GRID1: variants seen among roughly 807,000 people sequenced by gnomAD.
GRID1 encodes the protein glutamate ionotropic receptor delta type subunit 1, also known as glutamate receptor ionotropic, delta-1.
In GRID1, 28 loss-of-function variants were observed where a neutral mutation model predicts 98.0. The observed-to-expected ratio is 0.29, with a 90% CI of 0.21 to 0.39. The LOEUF (loss-of-function observed/expected upper bound fraction) is 0.39, where lower values mean the gene tolerates loss of function less well. Ranked by LOEUF, GRID1 falls within the 10% of genes least tolerant of loss-of-function variation. The pLI is 1.00. For missense variants in GRID1, 1,111 were observed against 1,340.5 expected, an observed-to-expected ratio of 0.83 and a Z score of 2.67; for synonymous variants, 553 against 538.5, an observed-to-expected ratio of 1.03 and a Z score of -0.37.
intron 8 of GRID1, among the ~76,000 whole-genome samples, chr10:85,816,093 A>G (rs1433016851): frequency 6.6e-6 from 1 of 152,152 alleles, no homozygotes. Context: ...AAAATTATAC[A>G]GCCACTTTGA....
chr10:85,744,476 T>C (rs1416433865), intron 8 of GRID1, among the ~76,000 whole-genome samples: 2 of 149,882 alleles, frequency 1.3e-5, no homozygotes, highest in East Asian at 2.0e-4. Context: ...GGGGAAAGGA[T>C]TCCCTATTTA....
At chr10:86,092,601 A>C (rs1282530055) in intron 4 of GRID1, among the ~76,000 whole-genome samples, 1 of 152,234 alleles carries the variant, frequency 6.6e-6, no homozygotes, top group Non-Finnish European at 1.5e-5. Flanking sequence ...TATCAGACAA[A>C]ACAAGCTTTA....
chr10:85,724,711 C>G, intron 10 of GRID1, 35 bp from the exon 11 acceptor site: 1 of 1,548,654 alleles, frequency 6.5e-7, no homozygotes, highest in Non-Finnish European at 8.8e-7. Flanking sequence ...AGACGGCAGT[C>G]CTCAGCTTAC....
rs559097359 is a variant in GRID1 at position 86,066,253 on chromosome 10, C to T, written c.726+72566G>A. 1.6e-4 allele frequency among the ~76,000 whole-genome samples: 24 copies of T among 152,262 alleles called. No homozygotes were observed. In the East Asian group the frequency reaches 2.3e-3, roughly 15 times the overall value. On this transcript the variant is annotated intron_variant, in intron 4 of 15. Transcript: ENST00000327946. ...AGACGAATTCAGGGATGTTGCTCCA[C>T]GGTGGCTCCGACCCAAGGACCTGCC...
At chr10:86,146,713 C>T (rs2131977530) in intron 3 of GRID1, among the ~76,000 whole-genome samples, 1 of 152,316 alleles carries the variant, frequency 6.6e-6, no homozygotes, top group South Asian at 2.1e-4. Context: ...GGTTCCAGAG[C>T]AGCAGAATTT....
chr10:86,069,640 T>G (rs1172373277), intron 4 of GRID1, among the ~76,000 whole-genome samples: 1 of 152,098 alleles, frequency 6.6e-6, no homozygotes, highest in African/African-American at 2.4e-5. Flanking sequence ...AGAGTGAGAC[T>G]CCGTCTCTAA....
intron 5 of GRID1, among the ~76,000 whole-genome samples, chr10:85,888,054 A>T (rs1468863475): frequency 6.6e-6 from 1 of 152,216 alleles, no homozygotes; most frequent in Non-Finnish European, 1.5e-5. Context: ...ACCTCCAGGA[A>T]ATCTTAGGTA....
At chr10:85,673,832 G>C (rs1016312168) in intron 12 of GRID1, among the ~76,000 whole-genome samples, 5 of 151,524 alleles carry the variant, frequency 3.3e-5, no homozygotes, top group Non-Finnish European at 7.4e-5. Context: ...CACTCTTCTC[G>C]ATTAATAGAT....
At chr10:85,611,875 C>T (rs1188657142) in intron 15 of GRID1, among the ~76,000 whole-genome samples, 1 of 152,228 alleles carries the variant, frequency 6.6e-6, no homozygotes, top group Non-Finnish European at 1.5e-5. Context: ...GCCAAAGAAG[C>T]TTGGGACAGA....
chr10:85,719,287 T>C (rs897139967), intron 12 of GRID1, among the ~76,000 whole-genome samples: 2 of 152,194 alleles, frequency 1.3e-5, no homozygotes, highest in African/African-American at 4.8e-5. Context: ...GTCCAAACTG[T>C]TCCAACCTCT....
At chr10:85,725,686 G>A (rs976783734) in intron 10 of GRID1, among the ~76,000 whole-genome samples, 4 of 152,298 alleles carry the variant, frequency 2.6e-5, no homozygotes, top group Non-Finnish European at 2.9e-5. Flanking sequence ...GACCAATAGT[G>A]ACAACTGATT....
At chr10:86,168,774 CCTT>C (rs1845438164) in intron 3 of GRID1, among the ~76,000 whole-genome samples, 1 of 152,174 alleles carries the variant, frequency 6.6e-6, no homozygotes, top group Non-Finnish European at 1.5e-5. Context: ...TCTGGAAAGA[CCTT>C]CTTCTAACTC....
At chr10:85,877,074 C>G (rs539965388) in intron 5 of GRID1, among the ~76,000 whole-genome samples, 1 of 152,374 alleles carries the variant, frequency 6.6e-6, no homozygotes, top group South Asian at 2.1e-4. Flanking sequence ...TGCCATTGCC[C>G]AGGCTTGCTT....
intron 8 of GRID1, among the ~76,000 whole-genome samples, chr10:85,744,301 C>G (rs963975224): frequency 1.3e-5 from 2 of 152,284 alleles, no homozygotes; most frequent in East Asian, 3.9e-4. Flanking sequence ...AAGAGACTGT[C>G]AGAAATATTT....
chr10:86,297,389 A>T (rs1196606095), intron 2 of GRID1, among the ~76,000 whole-genome samples: 1 of 152,222 alleles, frequency 6.6e-6, no homozygotes, highest in African/African-American at 2.4e-5. Flanking sequence ...ATTCTTGATT[A>T]ATAAATTGCG....
chr10:86,329,287 C>G (rs1022919123), intron 2 of GRID1, among the ~76,000 whole-genome samples: 1 of 152,220 alleles, frequency 6.6e-6, no homozygotes, highest in Non-Finnish European at 1.5e-5. Context: ...GGCTGCCTCT[C>G]CCCAGCTGTC....
intron 4 of GRID1, among the ~76,000 whole-genome samples, chr10:86,039,210 T>C (rs1171032452): frequency 1.3e-5 from 2 of 152,138 alleles, no homozygotes; most frequent in East Asian, 1.9e-4. Context: ...TCCTAACCTC[T>C]CTATGGTCAT....
Position 85,890,749 on chromosome 10 carries a change from G to A in GRID1, c.781-21569C>T, listed in dbSNP as rs940251533. 3.3e-5 allele frequency among the ~76,000 whole-genome samples: 5 copies of A among 151,866 alleles called. No individual in the cohort carries two copies. In the South Asian group the frequency reaches 1.0e-3, roughly 31 times the overall value. On this transcript the variant is annotated intron_variant, in intron 5 of 15. Transcript: ENST00000327946. Reference sequence around the variant, plus strand: ...ATGAAGGAAGAAGGGAAGGGAAGGAGGAAAGAGCAAAGGAGCAAGGGAGAG... The same window carrying A: ...ATGAAGGAAGAAGGGAAGGGAAGGAAGAAAGAGCAAAGGAGCAAGGGAGAG...
At chr10:86,340,045 C>T (rs1848288129) in intron 2 of GRID1, among the ~76,000 whole-genome samples, 1 of 151,964 alleles carries the variant, frequency 6.6e-6, no homozygotes, top group South Asian at 2.1e-4. Flanking sequence ...CTCACAGAGG[C>T]GGAGACAGCA....
Sources: gnomAD v4.1 joint callset for allele counts (sites outside exome capture counted in the v4.1 genomes callset) on GRCh38, gnomAD v4.1.1 for gene constraint, MANE v1.5 for transcripts, NCBI Gene and HGNC (gene_info 2026-07-23, HGNC 2026-07-21) for gene names.